The following TIGAR variants were observed in gnomAD, a reference collection of about 807,000 sequenced individuals.
TIGAR encodes the protein fructose-2,6-bisphosphatase TIGAR.
TIGAR carries 7 observed loss-of-function variants against 17.9 expected under a neutral mutation model. That is an observed-to-expected ratio of 0.39 (90% CI 0.22 to 0.73). The LOEUF is 0.73. Ranked by LOEUF, TIGAR falls within the 30% of genes least tolerant of loss-of-function variation. The probability of loss-of-function intolerance (pLI) is 0.42; values close to 1 mark genes in which losing one functional copy is unlikely to be tolerated. For missense variants in TIGAR, 258 were observed against 327.4 expected, an observed-to-expected ratio of 0.79 and a Z score of 1.64; for synonymous variants, 94 against 108.6, an observed-to-expected ratio of 0.87 and a Z score of 0.84.
At chr12:4,338,557 T>G (rs1367098654) in intron 3 of TIGAR, among the ~76,000 whole-genome samples, 2 of 152,156 alleles carry the variant, frequency 1.3e-5, no homozygotes, top group Non-Finnish European at 2.9e-5. Context: ...GTACAAGAAT[T>G]TCTTTAAATT....
chr12:4,339,569 C>T (rs1187862134), intron 3 of TIGAR, among the ~76,000 whole-genome samples: 1 of 152,138 alleles, frequency 6.6e-6, no homozygotes, highest in African/African-American at 2.4e-5. Context: ...TATCCTGATA[C>T]CAAAACCAGA....
At chr12:4,333,527 T>C (rs1371310035) in intron 2 of TIGAR, among the ~76,000 whole-genome samples, 1 of 152,068 alleles carries the variant, frequency 6.6e-6, no homozygotes, top group African/African-American at 2.4e-5. Context: ...TGGAGTGCAA[T>C]GGCGTGATCT....
chr12:4,332,830 G>GT lies in TIGAR; in HGVS notation c.70+1518dup, dbSNP rs1289819444. On this transcript the variant is annotated intron_variant, in intron 2 of 5. Transcript: ENST00000179259. ...TAAAATAATCAGCCTTCTTGATTTT[G>GT]TTTTTCAAATCTTACACACTTTATT... Among the ~76,000 whole-genome samples the GT allele has an allele frequency of 2.0e-5, 3 of 152,126 alleles. No individual in the cohort carries two copies. The East Asian group carries it at 5.8e-4, about 29-fold the overall frequency.
At chr12:4,334,073 C>G (rs571041115) in intron 2 of TIGAR, among the ~76,000 whole-genome samples, 1 of 150,924 alleles carries the variant, frequency 6.6e-6, no homozygotes, top group Admixed American at 6.6e-5. Flanking sequence ...TCCACACTTT[C>G]TTACTTTCCC....
intron 1 of TIGAR, among the ~76,000 whole-genome samples, chr12:4,326,402 A>T (rs976723357): frequency 6.6e-6 from 1 of 152,246 alleles, no homozygotes; most frequent in African/African-American, 2.4e-5. Flanking sequence ...GGATTTATAT[A>T]AACCTCTTAA....
chr12:4,333,666 AC>A (rs1314662973), intron 2 of TIGAR, among the ~76,000 whole-genome samples: 2 of 152,084 alleles, frequency 1.3e-5, no homozygotes, highest in Admixed American at 1.3e-4. Context: ...ACGGGGTTTT[AC>A]CACATTGGTC....
intron 1 of TIGAR, among the ~76,000 whole-genome samples, chr12:4,327,935 G>A (rs1380814348): frequency 6.6e-6 from 1 of 152,028 alleles, no homozygotes; most frequent in Non-Finnish European, 1.5e-5. Flanking sequence ...CAAAGTGCTG[G>A]GATTACAGGC....
chr12:4,357,826 G>A lies in TIGAR; in HGVS notation c.*5135G>A, dbSNP rs191920328. Among the ~76,000 whole-genome samples, 3 of 152,300 alleles carry A rather than the reference G, an allele frequency of 2.0e-5. No homozygotes were observed. Among genetic ancestry groups the A allele is most frequent in the African/African-American group, 4.8e-5 (2 of 41,560 alleles). On this transcript the variant is annotated 3_prime_UTR_variant, in exon 6 of 6. Coordinates refer to ENST00000179259, the MANE Select transcript of TIGAR (RefSeq NM_020375.3). ...TGACCAAGCAATCGCTGAGGTGGCT[G>A]GGCGTGGTGGCTCGCACCTGTAATC...
intron 3 of TIGAR, among the ~76,000 whole-genome samples, chr12:4,337,479 A>C (rs1864672891): frequency 6.6e-6 from 1 of 152,234 alleles, no homozygotes; most frequent in South Asian, 2.1e-4. Context: ...TTTAGAGTCA[A>C]GGTCTAGGCT....
At chr12:4,342,587 T>C (rs1027623760) in intron 3 of TIGAR, among the ~76,000 whole-genome samples, 2 of 152,216 alleles carry the variant, frequency 1.3e-5, no homozygotes, top group African/African-American at 4.8e-5. Flanking sequence ...ATATTCAACA[T>C]TCTCAAAGAA....
chr12:4,352,088 A>G (rs899916564), intron 5 of TIGAR, among the ~76,000 whole-genome samples, 172 bp from the exon 6 acceptor site: 3 of 152,116 alleles, frequency 2.0e-5, no homozygotes, highest in Non-Finnish European at 4.4e-5. Context: ...ATACTTATAT[A>G]TGTCCATGAA....
chr12:4,329,485 C>A lies in TIGAR; in HGVS notation c.33-1795C>A, dbSNP rs1864582098. On this transcript the variant is annotated intron_variant, in intron 1 of 5. Coordinates refer to ENST00000179259, the MANE Select transcript of TIGAR (RefSeq NM_020375.3). ...TCCCGAGTAGCTGGGATTACAGACG[C>A]CCGCCACCACGCATGGCTAAATTTT... Among the ~76,000 whole-genome samples, 5 of 151,780 alleles carry A rather than the reference C, an allele frequency of 3.3e-5. No homozygotes were observed. The South Asian group carries it at 1.0e-3, about 32-fold the overall frequency.
chr12:4,351,875 G>A (rs1353469639), intron 5 of TIGAR, among the ~76,000 whole-genome samples: 1 of 152,184 alleles, frequency 6.6e-6, no homozygotes, highest in Non-Finnish European at 1.5e-5. Context: ...CATTACTTTA[G>A]TAAGGGAAGG....
Position 4,355,575 on chromosome 12 carries a change from T to TC in TIGAR, c.*2885dup. Among the ~76,000 whole-genome samples the TC allele has an allele frequency of 6.6e-6, 1 of 152,348 alleles. No individual in the cohort carries two copies. The highest frequency in any genetic ancestry group is 1.9e-4 in the East Asian group (1 of 5,194). ...TTTTATTGGAGTCACATGCATCTCT[T>TC]CATCTATTCAATACGTATTTTTTGA... On this transcript the variant is annotated 3_prime_UTR_variant, in exon 6 of 6. Coordinates refer to ENST00000179259, the MANE Select transcript of TIGAR (RefSeq NM_020375.3).
Position 4,327,613 on chromosome 12 carries a change from A to G in TIGAR, c.33-3667A>G, listed in dbSNP as rs530987019. ...AAATTATGTTGTAGTTTGTGTGCATATTAAGTTAGGTGACAGCTCCCTAGG... is the reference window on the plus strand; with the variant it reads ...AAATTATGTTGTAGTTTGTGTGCATGTTAAGTTAGGTGACAGCTCCCTAGG... On this transcript the variant is annotated intron_variant, in intron 1 of 5. Transcript: ENST00000179259. Among the ~76,000 whole-genome samples, 6 of 152,322 alleles carry G rather than the reference A, an allele frequency of 3.9e-5. No individual in the cohort carries two copies. In the East Asian group the frequency reaches 1.2e-3, roughly 29 times the overall value.
At chr12:4,335,137 A>G (rs1312004976) in intron 2 of TIGAR, among the ~76,000 whole-genome samples, 1 of 152,108 alleles carries the variant, frequency 6.6e-6, no homozygotes, top group Non-Finnish European at 1.5e-5. Context: ...TCCTGGGCTC[A>G]AGTGATTCTC....
At chr12:4,329,919 A>G (rs534068712) in intron 1 of TIGAR, among the ~76,000 whole-genome samples, 1 of 152,288 alleles carries the variant, frequency 6.6e-6, no homozygotes, top group South Asian at 2.1e-4. Context: ...TGGTAGTGCC[A>G]GGGGACCATG....
At chr12:4,332,311 C>T (rs12830506) in intron 2 of TIGAR, among the ~76,000 whole-genome samples, 65,252 of 145,518 alleles carry the variant, frequency 0.45, 14,795 homozygotes, top group South Asian at 0.49. Context: ...GGTGCGAACT[C>T]GGCTCACTGC....
At chr12:4,333,903 A>G (rs771526504) in intron 2 of TIGAR, among the ~76,000 whole-genome samples, 1 of 151,854 alleles carries the variant, frequency 6.6e-6, no homozygotes, top group Admixed American at 6.6e-5. Context: ...CTTGGCCTAG[A>G]ATCTGTCTTT....
Sources: gnomAD v4.1 joint callset for allele counts (sites outside exome capture counted in the v4.1 genomes callset) on GRCh38, gnomAD v4.1.1 for gene constraint, MANE v1.5 for transcripts, NCBI Gene and HGNC (gene_info 2026-07-23, HGNC 2026-07-21) for gene names.